ERBIN: variants seen among roughly 807,000 people sequenced by gnomAD.
ERBIN encodes erbb2 interacting protein.
ERBIN carries 60 observed loss-of-function variants against 158.4 expected under a neutral mutation model. The observed-to-expected ratio is 0.38, with a 90% CI of 0.31 to 0.47. The LOEUF is 0.47. Ranked by LOEUF, ERBIN falls within the 20% of genes least tolerant of loss-of-function variation. The probability of loss-of-function intolerance (pLI) is 0.99; values close to 1 mark genes in which losing one functional copy is unlikely to be tolerated. For missense variants in ERBIN, 1,610 were observed against 1,648.0 expected, an observed-to-expected ratio of 0.98 and a Z score of 0.40; for synonymous variants, 594 against 557.2, an observed-to-expected ratio of 1.07 and a Z score of -0.93.
intron 4 of ERBIN, among the ~76,000 whole-genome samples, chr5:66,006,652 A>G (rs1203555573): frequency 6.6e-6 from 1 of 152,194 alleles, no homozygotes; most frequent in Non-Finnish European, 1.5e-5. Context: ...TATCTGACAA[A>G]GGGCTAATAT....
chr5:66,044,146 T>G lies in ERBIN; in HGVS notation c.1438T>G (p.Leu480Val), dbSNP rs775937176. The change falls in exon 17 of 26, where the codon TTA becomes GTA. Residue 480 changes from leucine (L) to valine (V), a missense_variant. Leu to Val is a conservative substitution (Grantham distance 32, BLOSUM62 1). Transcript: ENST00000284037. ...TATTTTATTTCTCTAGGAGGGAAATTTAAAAAGATATCCAACACCATACCC... is the reference window on the plus strand; with the variant it reads ...TATTTTATTTCTCTAGGAGGGAAATGTAAAAAGATATCCAACACCATACCC... Reference protein sequence around the residue: ...EREAPPREGNLKRYPTPYPDE... With the variant: ...EREAPPREGNVKRYPTPYPDE... The G allele has an allele frequency of 2.6e-6, 4 of 1,547,728 alleles. No homozygotes were observed. The highest frequency in any genetic ancestry group is 3.5e-6 in the Non-Finnish European group (4 of 1,154,712).
intron 7 of ERBIN, among the ~76,000 whole-genome samples, chr5:66,015,218 G>C (rs1304480590): frequency 6.6e-6 from 1 of 152,048 alleles, no homozygotes; most frequent in Non-Finnish European, 1.5e-5. Context: ...CAAAAAAAAA[G>C]ATTTAATTAT....
intron 14 of ERBIN, among the ~76,000 whole-genome samples, chr5:66,032,829 T>G (rs1246999152): frequency 6.6e-6 from 1 of 152,190 alleles, no homozygotes; most frequent in Non-Finnish European, 1.5e-5. Flanking sequence ...CATGAAGCAA[T>G]GCATGTATGT....
rs1165540421 is a variant in ERBIN, at chr5:66,054,446, A to G, written c.3128A>G (p.His1043Arg). The change falls in exon 21 of 26, where the codon CAT becomes CGT. Residue 1043 changes from histidine (H) to arginine (R), a missense_variant. Physicochemically the swap from His to Arg is conservative, Grantham distance 29. Transcript: ENST00000284037. The part of the protein sequence containing the change: ...HNNVRANTAY[H>R]LHQRLGPARH... ...AATGTTCGAGCTAATACTGCATACC[A>G]TTTACATCAGAGACTTGGCCCAGCA... 6.2e-7 allele frequency: 1 copy of G among 1,614,156 alleles called. No individual in the cohort carries two copies. Among genetic ancestry groups the G allele is most frequent in the Admixed American group, 1.7e-5 (1 of 60,006 alleles).
rs550013664 is a variant in ERBIN at position 66,025,798 on chromosome 5, A to G, written c.891-50A>G. 7.9e-5 allele frequency: 100 copies of G among 1,259,940 alleles called. No individual in the cohort carries two copies. The South Asian group carries it at 1.5e-3, about 18-fold the overall frequency. The allele number at this position is 1,259,940 out of a possible 1,614,324, so 78.0% of individuals were successfully genotyped here. ...TATATGTTCTGAAATTTTGGATTAT[A>G]TATAGGAAATCTTTAACAAATAATA... On this transcript the variant is annotated intron_variant, in intron 11 of 25. Transcript: ENST00000284037.
chr5:65,938,666 C>T (rs2150866760), intron 1 of ERBIN, among the ~76,000 whole-genome samples: 1 of 152,228 alleles, frequency 6.6e-6, no homozygotes, highest in African/African-American at 2.4e-5. Flanking sequence ...GATTCTTCTG[C>T]CTCAGCCTTC....
chr5:65,981,653 A>AC (rs200072539), intron 1 of ERBIN, among the ~76,000 whole-genome samples: 143 of 140,228 alleles, frequency 1.0e-3, no homozygotes, highest in African/African-American at 4.2e-3. Context: ...TTAAACAACA[A>AC]AAAAAAAACA....
chr5:66,008,824 T>C (rs1360343324), intron 4 of ERBIN, among the ~76,000 whole-genome samples: 1 of 152,228 alleles, frequency 6.6e-6, no homozygotes, highest in Non-Finnish European at 1.5e-5. Context: ...ATGTTTTACT[T>C]CTTAAAAAGT....
intron 15 of ERBIN, among the ~76,000 whole-genome samples, chr5:66,040,854 AAG>A (rs1270308995): frequency 9.1e-6 from 1 of 110,376 alleles, no homozygotes; most frequent in African/African-American, 2.6e-5. Context: ...TAAAAAAAAA[AAG>A]AGGAAAAAAA....
At chr5:66,023,159 T>G in intron 8 of ERBIN, 131 bp from the exon 9 acceptor site, 2 of 655,588 alleles carry the variant, frequency 3.1e-6, no homozygotes, top group South Asian at 2.0e-5. Flanking sequence ...TTATTTTTCC[T>G]TCTCCCTGCT....
intron 21 of ERBIN, among the ~76,000 whole-genome samples, chr5:66,067,046 A>G (rs548689393): frequency 6.6e-6 from 1 of 152,342 alleles, no homozygotes; most frequent in East Asian, 1.9e-4. Flanking sequence ...AGCTCTCTGC[A>G]CAGCAAATGT....
At chr5:65,972,759 G>A (rs1212331009) in intron 1 of ERBIN, among the ~76,000 whole-genome samples, 1 of 151,314 alleles carries the variant, frequency 6.6e-6, no homozygotes, top group Admixed American at 6.6e-5. Flanking sequence ...TCAAGTGGTG[G>A]TATTTTAAAG....
chr5:65,949,163 C>T (rs1397766722), intron 1 of ERBIN, among the ~76,000 whole-genome samples: 1 of 152,142 alleles, frequency 6.6e-6, no homozygotes, highest in African/African-American at 2.4e-5. Flanking sequence ...AAGTCCCTTT[C>T]TTCTCCACAA....
chr5:65,985,620 C>T (rs16875261), intron 1 of ERBIN, among the ~76,000 whole-genome samples: 6,118 of 152,244 alleles, frequency 0.04, 416 homozygotes, highest in African/African-American at 0.14. Context: ...ATCCTACTTA[C>T]GAAAATTATC....
intron 25 of ERBIN, among the ~76,000 whole-genome samples, chr5:66,077,459 A>C (rs1235944825): frequency 6.7e-6 from 1 of 149,918 alleles, no homozygotes; most frequent in Non-Finnish European, 1.5e-5. Flanking sequence ...GAACTAAAGA[A>C]CTTAAAAAAT....
chr5:66,063,413 A>G (rs1440883495), intron 21 of ERBIN, among the ~76,000 whole-genome samples: 1 of 152,078 alleles, frequency 6.6e-6, no homozygotes, highest in Admixed American at 6.6e-5. Context: ...GGCAGGAGTG[A>G]CCCGATTTTC....
intron 1 of ERBIN, among the ~76,000 whole-genome samples, chr5:65,967,943 G>A (rs1265708470): frequency 6.6e-6 from 1 of 152,186 alleles, no homozygotes; most frequent in Non-Finnish European, 1.5e-5. Context: ...TACAGCAAGT[G>A]GCTGGTTTCA....
In ERBIN at chr5:66,053,950, A is replaced by T; in HGVS notation, c.2632A>T (p.Ile878Phe). 1 of 1,614,048 alleles carries T rather than the reference A, an allele frequency of 6.2e-7. No homozygotes were observed. Among genetic ancestry groups the T allele is most frequent in the Non-Finnish European group, 8.5e-7 (1 of 1,180,008 alleles). The change falls in exon 21 of 26, where the codon ATT (isoleucine) becomes TTT (phenylalanine). Residue 878 changes from isoleucine to phenylalanine, a missense_variant. By Grantham distance (21) the Ile-to-Phe change is conservative. Around this residue, in one of 2 missense-constraint regions of ERBIN, gnomAD observed 1,014 missense variants for 936.1 expected, o/e 1.08. Coordinates refer to ENST00000284037, the MANE Select transcript of ERBIN (RefSeq NM_001253697.2). ...ATCTCATAGCATAACTAATATGGAGATTGGAGGGCTAAAAATCTATGATAT... is the reference window on the plus strand; with the variant it reads ...ATCTCATAGCATAACTAATATGGAGTTTGGAGGGCTAAAAATCTATGATAT... Reference protein sequence around the residue: ...VKSHSITNMEIGGLKIYDILS... With the variant: ...VKSHSITNMEFGGLKIYDILS...
chr5:65,938,354 C>T (rs1001466384), intron 1 of ERBIN, among the ~76,000 whole-genome samples: 4 of 145,450 alleles, frequency 2.8e-5, no homozygotes, highest in Admixed American at 7.0e-5. Context: ...GTAATAGATT[C>T]GTGAGCAGGC....
Sources: gnomAD v4.1 joint callset for allele counts (sites outside exome capture counted in the v4.1 genomes callset) on GRCh38, gnomAD v4.1.1 for gene constraint, gnomAD v4.1.1 regional missense constraint, MANE v1.5 for transcripts, NCBI Gene and HGNC (gene_info 2026-07-23, HGNC 2026-07-21) for gene names.